Variants in FRMD3 observed in about 807,000 individuals in gnomAD.
The protein encoded by FRMD3 is FERM domain containing 3.
FRMD3 carries 33 observed loss-of-function variants against 70.2 expected under a neutral mutation model. That is an observed-to-expected ratio of 0.47 (90% CI 0.36 to 0.63). The LOEUF (loss-of-function observed/expected upper bound fraction) is 0.63, where lower values mean the gene tolerates loss of function less well. Ranked by LOEUF, FRMD3 falls within the 20% of genes least tolerant of loss-of-function variation. The pLI is 0.00. For synonymous variants in FRMD3, 279 were observed against 255.9 expected, an observed-to-expected ratio of 1.09 and a Z score of -0.86; for missense variants, 632 against 711.4, an observed-to-expected ratio of 0.89 and a Z score of 1.27.
rs2118469581 is a variant in FRMD3, at chr9:83,246,551, G to T, written c.*1367C>A. The T allele has an allele frequency of 1.0e-6, 1 of 984,864 alleles. No individual in the cohort carries two copies. Among genetic ancestry groups the T allele is most frequent in the South Asian group, 4.7e-5 (1 of 21,236 alleles). The allele number at this position is 984,864 out of a possible 1,614,324, so 61.0% of individuals were successfully genotyped here. A position where few individuals can be genotyped will look rare whatever the true frequency, so the allele number is the denominator to read the frequency against. On this transcript the variant is annotated 3_prime_UTR_variant, in exon 14 of 14. Transcript: ENST00000304195. ...ATGAGGCCTCTCCAGTTTCTCTATG[G>T]AAGTCAAATTTTAAAACAACTGGGA...
chr9:83,557,896 T>C, the FRMD3 span, among the ~76,000 whole-genome samples: 1 of 152,334 alleles, frequency 6.6e-6, no homozygotes, highest in East Asian at 1.9e-4. Flanking sequence ...TGTTTATTCA[T>C]AGAGAAGCTC....
the FRMD3 span, among the ~76,000 whole-genome samples, chr9:83,575,312 C>T: frequency 4.6e-5 from 7 of 152,166 alleles, no homozygotes; most frequent in Non-Finnish European, 8.8e-5. Context: ...CTCTGCCTCC[C>T]ATATGTACTC....
At chr9:83,291,095 A>G (rs1222194305) in intron 12 of FRMD3, among the ~76,000 whole-genome samples, 2 of 152,188 alleles carry the variant, frequency 1.3e-5, no homozygotes, top group African/African-American at 2.4e-5. Context: ...AATGAAGGGC[A>G]TGGCTCAGAG....
At chr9:83,491,686 G>A (rs1278413069) in intron 1 of FRMD3, among the ~76,000 whole-genome samples, 2 of 152,194 alleles carry the variant, frequency 1.3e-5, no homozygotes, top group Non-Finnish European at 2.9e-5. Context: ...TGGAAAAAGG[G>A]AAGGTTAGCC....
chr9:83,397,072 A>G lies in FRMD3; in HGVS notation c.148-7364T>C, dbSNP rs183688781. ...ATGAGCCCAGGAGCAGAGTCCATTG[A>G]CTGCTGTGTTCTATCAGTCAGCATA... On this transcript the variant is annotated intron_variant, in intron 1 of 13. Coordinates refer to ENST00000304195, the MANE Select transcript of FRMD3 (RefSeq NM_174938.6). Among the ~76,000 whole-genome samples the G allele has an allele frequency of 3.5e-4, 54 of 152,258 alleles. 1 individual carries two copies. In the East Asian group the frequency reaches 4.5e-3, roughly 13 times the overall value.
Position 83,311,978 on chromosome 9 carries a change from G to GAAAA in FRMD3, c.685-7_685-4dup. On this transcript the variant is annotated splice_region_variant and splice_polypyrimidine_tract_variant and intron_variant, in intron 7 of 13. Transcript: ENST00000304195. ...AATGTTGTTGTGCCTGTTGAATCCT[G>GAAAA]AAAAAAAAAAAAAAGAAAAAAGAAA... 6 of 1,326,464 alleles carry GAAAA rather than the reference G, an allele frequency of 4.5e-6. No homozygotes were observed. Among genetic ancestry groups the GAAAA allele is most frequent in the Non-Finnish European group, 5.1e-6 (5 of 985,396 alleles). The allele number at this position is 1,326,464 out of a possible 1,614,324, so 82.2% of individuals were successfully genotyped here.
At chr9:83,394,733 C>G (rs1370126977) in intron 1 of FRMD3, among the ~76,000 whole-genome samples, 1 of 152,056 alleles carries the variant, frequency 6.6e-6, no homozygotes, top group East Asian at 1.9e-4. Context: ...CCCTTTACAC[C>G]CTATGGAACC....
intron 13 of FRMD3, among the ~76,000 whole-genome samples, chr9:83,251,501 C>A (rs1406404791): frequency 6.6e-6 from 1 of 152,184 alleles, no homozygotes; most frequent in African/African-American, 2.4e-5. Flanking sequence ...GGGCACAGAA[C>A]TGGGCTAAGG....
chr9:83,555,514 C>A, the FRMD3 span, among the ~76,000 whole-genome samples: 2 of 152,220 alleles, frequency 1.3e-5, no homozygotes, highest in Admixed American at 1.3e-4. Flanking sequence ...GCAAAGATGG[C>A]AGCCTCCCCC....
intron 4 of FRMD3, among the ~76,000 whole-genome samples, chr9:83,344,132 T>C (rs1823870680): frequency 6.6e-6 from 1 of 152,264 alleles, no homozygotes; most frequent in Non-Finnish European, 1.5e-5. Context: ...TACTCCACAC[T>C]GATCAAGCTC....
At chr9:83,504,736 C>T (rs1044799879) in intron 1 of FRMD3, among the ~76,000 whole-genome samples, 2 of 152,156 alleles carry the variant, frequency 1.3e-5, no homozygotes, top group African/African-American at 4.8e-5. Context: ...TATTTTTCTA[C>T]ATAGAACTCA....
At chr9:83,270,563 A>G (rs1030458148) in intron 13 of FRMD3, among the ~76,000 whole-genome samples, 1 of 152,228 alleles carries the variant, frequency 6.6e-6, no homozygotes, top group African/African-American at 2.4e-5. Context: ...GCTGGCTCCT[A>G]TGAACCAGAA....
At chr9:83,566,278 G>A in the FRMD3 span, among the ~76,000 whole-genome samples, 2 of 152,136 alleles carry the variant, frequency 1.3e-5, no homozygotes, top group East Asian at 1.9e-4. Flanking sequence ...CCACTCTCAG[G>A]AGAATAGCAT....
chr9:83,355,234 A>G (rs1253336194), intron 3 of FRMD3, among the ~76,000 whole-genome samples: 3 of 152,210 alleles, frequency 2.0e-5, no homozygotes, highest in African/African-American at 7.2e-5. Flanking sequence ...GTAAAGAAAG[A>G]TCCTTCTCTG....
intron 1 of FRMD3, among the ~76,000 whole-genome samples, chr9:83,446,433 G>A (rs1214724068): frequency 6.6e-6 from 1 of 151,936 alleles, no homozygotes; most frequent in South Asian, 2.1e-4. Flanking sequence ...GGATCACAAG[G>A]TCAGGAAATC....
chr9:83,516,114 T>A (rs1829449452), intron 1 of FRMD3, among the ~76,000 whole-genome samples: 1 of 152,106 alleles, frequency 6.6e-6, no homozygotes, highest in South Asian at 2.1e-4. Context: ...AATTCACACA[T>A]AACAATATAA....
intron 1 of FRMD3, among the ~76,000 whole-genome samples, chr9:83,517,212 G>C (rs975593669): frequency 6.6e-6 from 1 of 151,978 alleles, no homozygotes; most frequent in African/African-American, 2.4e-5. Flanking sequence ...CAACAAAATA[G>C]ATAGACCACT....
chr9:83,419,948 A>G (rs1320665993), intron 1 of FRMD3, among the ~76,000 whole-genome samples: 1 of 152,230 alleles, frequency 6.6e-6, no homozygotes, highest in Non-Finnish European at 1.5e-5. Flanking sequence ...CTATGCCACA[A>G]AACAACCTCA....
At chr9:83,252,630 C>T (rs185792699) in intron 13 of FRMD3, among the ~76,000 whole-genome samples, 15 of 152,170 alleles carry the variant, frequency 9.9e-5, no homozygotes, top group East Asian at 5.8e-4. Context: ...ACCCATCTCA[C>T]GTGCAAAGAC....
Sources: gnomAD v4.1 joint callset for allele counts (sites outside exome capture counted in the v4.1 genomes callset) on GRCh38, gnomAD v4.1.1 for gene constraint, MANE v1.5 for transcripts, NCBI Gene and HGNC (gene_info 2026-07-23, HGNC 2026-07-21) for gene names.